The following MB21D2 variants were observed in gnomAD, a reference collection of about 807,000 sequenced individuals.
MB21D2 encodes the protein Mab-21 domain containing 2, also known as nucleotidyltransferase MB21D2.
In MB21D2, 9 loss-of-function variants were observed where a neutral mutation model predicts 33.3. That is an observed-to-expected ratio of 0.27 (90% CI 0.16 to 0.47). The LOEUF is 0.47. MB21D2 is among the 20% of genes least tolerant of loss of function. The pLI, the probability that MB21D2 is intolerant of heterozygous loss-of-function variation, is 0.99. For missense variants in MB21D2, 540 were observed against 624.6 expected (o/e 0.86, Z 1.44); for synonymous variants, 241 against 236.3 (o/e 1.02, Z -0.18).
chr3:192,882,779 G>A (rs937058595), intron 1 of MB21D2, among the ~76,000 whole-genome samples: 1 of 151,164 alleles, frequency 6.6e-6, no homozygotes, highest in African/African-American at 2.4e-5. Flanking sequence ...TTGTCACCCA[G>A]GATGGAGTGC....
intron 1 of MB21D2, among the ~76,000 whole-genome samples, chr3:192,875,776 T>C (rs1713415686): frequency 6.6e-6 from 1 of 152,182 alleles, no homozygotes; most frequent in South Asian, 2.1e-4. Context: ...AAAGTTGCCA[T>C]AATCATGTTA....
chr3:192,876,681 T>A (rs562853343), intron 1 of MB21D2, among the ~76,000 whole-genome samples: 1 of 152,272 alleles, frequency 6.6e-6, no homozygotes, highest in Admixed American at 6.5e-5. Context: ...CTTCCCTAGT[T>A]ATACTAAGCT....
In MB21D2 at chr3:192,799,582, G is replaced by A; in HGVS notation, c.280C>T (p.Arg94Trp). ...AAGTCCAGGTCCACCACGCCTTCCC[G>A]GACACCTCCAGAGAGCAACAGGTAT... is the stretch of plus-strand genomic sequence containing the variant. Reference protein sequence around the residue: ...NEYLLLSGGVREGVVDLDLDE... With the variant: ...NEYLLLSGGVWEGVVDLDLDE... The change falls in exon 2 of 2, where the codon CGG (arginine) becomes TGG (tryptophan). Residue 94 changes from arginine to tryptophan, a missense_variant. Physicochemically the swap from Arg to Trp is moderately radical, Grantham distance 101. Transcript: ENST00000392452. This position sits in a 1 kb window ranked among gnomAD's most constrained non-coding sequence, Gnocchi z 4.1. 4.3e-6 allele frequency: 7 copies of A among 1,614,120 alleles called. No individual in the cohort carries two copies. The highest frequency in any genetic ancestry group is 2.2e-5 in the East Asian group (1 of 44,878).
chr3:192,843,223 T>C (rs142663644), intron 1 of MB21D2, among the ~76,000 whole-genome samples: 100 of 152,310 alleles, frequency 6.6e-4, no homozygotes, highest in African/African-American at 2.3e-3. Context: ...ATCACCCACA[T>C]TGGGAGCTTG....
intron 1 of MB21D2, among the ~76,000 whole-genome samples, chr3:192,912,936 A>G (rs1025306970): frequency 1.1e-4 from 17 of 152,228 alleles, no homozygotes; most frequent in African/African-American, 4.1e-4. Flanking sequence ...CAAAATAGGC[A>G]TGATACTTAT....
rs1186256658 is a variant in MB21D2 at position 192,797,766 on chromosome 3, C to T, written c.*620G>A. 1.3e-5 allele frequency: 2 copies of T among 152,568 alleles called. No homozygotes were observed. The highest frequency in any genetic ancestry group is 2.9e-5 in the Non-Finnish European group (2 of 68,042). 9.5% of individuals were successfully genotyped at this position (152,568 alleles called of 1,614,324 possible). ...CACCCTTCAAACCACCCAGTGTTCT[C>T]TGATTTGAGGACAATTACATTCAAT... On this transcript the variant is annotated 3_prime_UTR_variant, in exon 2 of 2. Coordinates refer to ENST00000392452, the MANE Select transcript of MB21D2 (RefSeq NM_178496.4).
At chr3:192,907,143 G>A (rs1053627061) in intron 1 of MB21D2, among the ~76,000 whole-genome samples, 8 of 146,930 alleles carry the variant, frequency 5.4e-5, no homozygotes, top group African/African-American at 2.0e-4. Flanking sequence ...GGGCCTCACA[G>A]AAGGGCATAA....
intron 1 of MB21D2, among the ~76,000 whole-genome samples, chr3:192,868,187 T>C (rs112687242): frequency 2.0e-5 from 3 of 152,366 alleles, no homozygotes; most frequent in Admixed American, 6.5e-5. Flanking sequence ...GTGATCTTCA[T>C]GTGTGCCAGT....
At chr3:192,908,738 AC>A (rs1168939514) in intron 1 of MB21D2, among the ~76,000 whole-genome samples, 1 of 151,744 alleles carries the variant, frequency 6.6e-6, no homozygotes, top group Non-Finnish European at 1.5e-5. Context: ...CTTCTCAAAG[AC>A]ATATAGGAAG....
At chr3:192,837,828 G>A (rs1712472873) in intron 1 of MB21D2, among the ~76,000 whole-genome samples, 1 of 152,196 alleles carries the variant, frequency 6.6e-6, no homozygotes, top group South Asian at 2.1e-4. Context: ...AAACAACTGA[G>A]AAGTAGCCAG....
In MB21D2 at chr3:192,852,576, T is replaced by C. The variant is rs775121242; in HGVS notation, c.212-52926A>G. On this transcript the variant is annotated intron_variant, in intron 1 of 1. Coordinates refer to ENST00000392452, the MANE Select transcript of MB21D2 (RefSeq NM_178496.4). ...CAAGGAAAACAGTCTCTTTACTTCA[T>C]AGTGAAAAGAAAAAACAGACTAAGT... 7.2e-4 allele frequency among the ~76,000 whole-genome samples: 110 copies of C among 152,266 alleles called. 1 individual carries two copies. The highest frequency in any genetic ancestry group is 1.4e-3 in the Non-Finnish European group (93 of 68,020).
chr3:192,895,068 TG>T (rs1713935986), intron 1 of MB21D2, among the ~76,000 whole-genome samples: 1 of 140,748 alleles, frequency 7.1e-6, no homozygotes, highest in African/African-American at 2.5e-5. Flanking sequence ...ACGAATCCGG[TG>T]GCCTGGGTTG....
At chr3:192,910,125 T>C (rs1714314005) in intron 1 of MB21D2, among the ~76,000 whole-genome samples, 2 of 150,668 alleles carry the variant, frequency 1.3e-5, no homozygotes. Context: ...GTAGGTAAAA[T>C]CCTCGGAGGT....
intron 1 of MB21D2, among the ~76,000 whole-genome samples, chr3:192,827,976 A>G (rs1712213495): frequency 6.6e-6 from 1 of 152,042 alleles, no homozygotes; most frequent in Admixed American, 6.6e-5. Context: ...GTGGTAGTGA[A>G]TAAGTCTCAT....
intron 1 of MB21D2, among the ~76,000 whole-genome samples, chr3:192,832,938 A>C (rs1577176921): frequency 6.6e-6 from 1 of 152,320 alleles, no homozygotes; most frequent in African/African-American, 2.4e-5. Flanking sequence ...ATGCCCTCAA[A>C]CAATAGCTAT....
Position 192,840,415 on chromosome 3 carries a change from C to CTTTT in MB21D2, c.212-40769_212-40766dup, listed in dbSNP as rs71177380. On this transcript the variant is annotated intron_variant, in intron 1 of 1. Coordinates refer to ENST00000392452, the MANE Select transcript of MB21D2 (RefSeq NM_178496.4). Reference sequence around the variant, plus strand: ...TGACAAAGACTTTTTTCTCTTTTTTCTTTTTTTTTTTTTTTTTTTTTTTTT... The same window carrying CTTTT: ...TGACAAAGACTTTTTTCTCTTTTTTCTTTTTTTTTTTTTTTTTTTTTTTTTTTTT... Among the ~76,000 whole-genome samples the CTTTT allele has an allele frequency of 2.1e-3, 182 of 88,268 alleles. 2 individuals are homozygous for CTTTT. The highest frequency in any genetic ancestry group is 2.8e-3 in the African/African-American group (66 of 23,758). 57.9% of individuals were successfully genotyped at this position (88,268 alleles called of 152,430 possible).
chr3:192,831,925 C>T (rs908519748), intron 1 of MB21D2, among the ~76,000 whole-genome samples: 3 of 152,198 alleles, frequency 2.0e-5, no homozygotes, highest in African/African-American at 7.2e-5. Context: ...GCTAATTAAA[C>T]TGGCTCTGCT....
At chr3:192,898,743 C>A (rs1020249178) in intron 1 of MB21D2, among the ~76,000 whole-genome samples, 1 of 152,188 alleles carries the variant, frequency 6.6e-6, no homozygotes, top group African/African-American at 2.4e-5. Flanking sequence ...CAAACAATTG[C>A]AAATTCATAA....
In MB21D2 at chr3:192,798,376, C is replaced by A. The variant is rs1170353904; in HGVS notation, c.*10G>T. 6.2e-7 allele frequency: 1 copy of A among 1,610,148 alleles called. No individual in the cohort carries two copies. Among genetic ancestry groups the A allele is most frequent in the South Asian group, 1.1e-5 (1 of 90,626 alleles). On this transcript the variant is annotated 3_prime_UTR_variant, in exon 2 of 2. Coordinates refer to ENST00000392452, the MANE Select transcript of MB21D2 (RefSeq NM_178496.4). The surrounding 1 kb of genome is among the most constrained non-coding windows in gnomAD (Gnocchi z 4.8). ...TTTAAGAATCAGGAAAAAAAAAAGT[C>A]AGCTAACACTCAGAAAAATTTGTCA...
Sources: allele counts gnomAD v4.1 joint callset (sites outside exome capture counted in the v4.1 genomes callset), GRCh38; gene constraint gnomAD v4.1.1; non-coding constraint Gnocchi (gnomAD v3.1); transcripts MANE v1.5; gene names NCBI Gene and HGNC (gene_info 2026-07-23, HGNC 2026-07-21).